The following ENAH variants were observed in gnomAD, a reference collection of about 807,000 sequenced individuals.
ENAH encodes the protein protein enabled homolog.
A neutral mutation model predicts 78.7 loss-of-function variants in ENAH; 23 were observed. The ratio of observed to expected loss-of-function variants is 0.29; its 90% confidence interval spans 0.21 to 0.41. The LOEUF is 0.41. Among genes scored for constraint, ENAH ranks in the 10% least tolerant of loss-of-function variants. The pLI, the probability that ENAH is intolerant of heterozygous loss-of-function variation, is 1.00. For synonymous variants in ENAH, 226 were observed against 241.0 expected (o/e 0.94, Z 0.58); for missense variants, 544 against 691.0 (o/e 0.79, Z 2.39).
chr1:225,513,086 C>G, intron 7 of ENAH, 70 bp from the exon 8 acceptor site: 1 of 1,316,768 alleles, frequency 7.6e-7, no homozygotes. Flanking sequence ...TATATTACAT[C>G]TAAAACAGAA....
intron 3 of ENAH, among the ~76,000 whole-genome samples, chr1:225,545,212 A>T (rs2096607585): frequency 6.6e-6 from 1 of 152,210 alleles, no homozygotes; most frequent in South Asian, 2.1e-4. Flanking sequence ...GACAGAAAAT[A>T]TGGAATAATC....
intron 1 of ENAH, among the ~76,000 whole-genome samples, chr1:225,617,014 G>A (rs907012741): frequency 1.3e-5 from 2 of 151,814 alleles, no homozygotes; most frequent in African/African-American, 2.4e-5. Flanking sequence ...CAGGAGAATC[G>A]CTTGAACCTG....
chr1:225,521,908 G>C (rs542898996), intron 4 of ENAH, among the ~76,000 whole-genome samples: 1 of 151,842 alleles, frequency 6.6e-6, no homozygotes, highest in Non-Finnish European at 1.5e-5. Flanking sequence ...CCATTCTCTT[G>C]CCTCAGCCTC....
At chr1:225,547,865 T>G (rs1201135910) in intron 3 of ENAH, among the ~76,000 whole-genome samples, 1 of 152,148 alleles carries the variant, frequency 6.6e-6, no homozygotes, top group East Asian at 1.9e-4. Context: ...AGCTTGTCAC[T>G]AATATGTTCC....
chr1:225,572,137 T>C (rs76356755), intron 1 of ENAH, among the ~76,000 whole-genome samples: 1 of 152,094 alleles, frequency 6.6e-6, no homozygotes, highest in East Asian at 1.9e-4. Context: ...CTACGTTAAC[T>C]CTGCACAGTG....
chr1:225,615,788 G>T (rs2148189307), intron 1 of ENAH, among the ~76,000 whole-genome samples: 1 of 152,152 alleles, frequency 6.6e-6, no homozygotes, highest in African/African-American at 2.4e-5. Flanking sequence ...TCTGAGAAGT[G>T]AGGAGCCCCT....
chr1:225,629,819 G>C (rs1472692590), intron 1 of ENAH, among the ~76,000 whole-genome samples: 2 of 152,092 alleles, frequency 1.3e-5, no homozygotes, highest in African/African-American at 4.8e-5. Flanking sequence ...ATTAACTCCA[G>C]ATTATTCGTG....
intron 1 of ENAH, among the ~76,000 whole-genome samples, chr1:225,569,958 C>T (rs2096752617): frequency 6.6e-6 from 1 of 152,090 alleles, no homozygotes; most frequent in Admixed American, 6.5e-5. Flanking sequence ...GTAATCCCAG[C>T]ACTTTGGGAG....
chr1:225,551,546 G>C (rs1237044797), intron 3 of ENAH, among the ~76,000 whole-genome samples: 1 of 152,176 alleles, frequency 6.6e-6, no homozygotes, highest in Non-Finnish European at 1.5e-5. Flanking sequence ...AGGCATCTCA[G>C]TGGTTGCGGA....
At chr1:225,592,419 T>TTAC (rs931566029) in intron 1 of ENAH, among the ~76,000 whole-genome samples, 7 of 152,336 alleles carry the variant, frequency 4.6e-5, no homozygotes, top group African/African-American at 1.7e-4. Flanking sequence ...CTCTTCATTT[T>TTAC]TACTCTTCCC....
chr1:225,575,721 T>C (rs2096784710), intron 1 of ENAH, among the ~76,000 whole-genome samples: 2 of 152,176 alleles, frequency 1.3e-5, no homozygotes, highest in African/African-American at 4.8e-5. Flanking sequence ...AACAAGAACT[T>C]ATTTCCTGTG....
chr1:225,498,484 T>C, intron 12 of ENAH, 80 bp from the exon 13 acceptor site: 1 of 868,048 alleles, frequency 1.2e-6, no homozygotes, highest in Non-Finnish European at 1.8e-6. Flanking sequence ...ATTTTAAGAA[T>C]GTCATGAAAT....
chr1:225,505,171 C>A, intron 11 of ENAH: 2 of 637,692 alleles, frequency 3.1e-6, no homozygotes, highest in Non-Finnish European at 5.1e-6. Flanking sequence ...AGTCTATTAA[C>A]CTTAAAATAA....
intron 1 of ENAH, among the ~76,000 whole-genome samples, chr1:225,644,620 T>G (rs1310691060): frequency 6.6e-6 from 1 of 152,208 alleles, no homozygotes; most frequent in Admixed American, 6.5e-5. Flanking sequence ...TTATTTTACT[T>G]AAGTTCTTGG....
intron 1 of ENAH, among the ~76,000 whole-genome samples, chr1:225,593,873 G>A (rs1462963795): frequency 6.6e-6 from 1 of 152,170 alleles, no homozygotes; most frequent in Admixed American, 6.5e-5. Flanking sequence ...CCTTAATGTT[G>A]TGCTTTTCTG....
intron 1 of ENAH, among the ~76,000 whole-genome samples, chr1:225,576,275 C>CAAA (rs35531080): frequency 9.6e-4 from 79 of 82,498 alleles, no homozygotes; most frequent in East Asian, 4.7e-3. Flanking sequence ...GACTCTGTCT[C>CAAA]AAAAAAAAAA....
At position 225,519,571 on chromosome 1, in the gene ENAH, A is replaced by G. The variant is rs750677856; in HGVS notation, c.435-6T>C. 3.7e-5 allele frequency: 28 copies of G among 756,290 alleles called. No individual in the cohort carries two copies. Among genetic ancestry groups the G allele is most frequent in the Non-Finnish European group, 4.0e-5 (21 of 518,570 alleles). The allele number at this position is 756,290 out of a possible 1,614,324, so 46.8% of individuals were successfully genotyped here. On this transcript the variant is annotated splice_region_variant and splice_polypyrimidine_tract_variant and intron_variant, in intron 4 of 13. Coordinates refer to ENST00000366843, the MANE Select transcript of ENAH (RefSeq NM_018212.6). Reference sequence around the variant, plus strand: ...GTTGCTGTTCTTGTAGTTGTCTGGAAAAAAAAAAAAAAAAGTAAAAACATG... The same window carrying G: ...GTTGCTGTTCTTGTAGTTGTCTGGAGAAAAAAAAAAAAAAGTAAAAACATG...
intron 4 of ENAH, among the ~76,000 whole-genome samples, chr1:225,521,907 T>C (rs2096471578): frequency 6.6e-6 from 1 of 152,096 alleles, no homozygotes; most frequent in East Asian, 1.9e-4. Flanking sequence ...ACCATTCTCT[T>C]GCCTCAGCCT....
At chr1:225,545,656 T>G (rs1393691376) in intron 3 of ENAH, among the ~76,000 whole-genome samples, 1 of 152,168 alleles carries the variant, frequency 6.6e-6, no homozygotes, top group African/African-American at 2.4e-5. Context: ...ATTATTTCAA[T>G]TGCTTTTGTA....
Sources: gnomAD v4.1 joint callset for allele counts (sites outside exome capture counted in the v4.1 genomes callset) on GRCh38, gnomAD v4.1.1 for gene constraint, MANE v1.5 for transcripts, NCBI Gene and HGNC (gene_info 2026-07-23, HGNC 2026-07-21) for gene names.